PRPF8: variants seen among roughly 807,000 people sequenced by gnomAD.
The protein encoded by PRPF8 is pre-mRNA-processing-splicing factor 8.
Under a neutral mutation model 285.9 loss-of-function variants are expected in PRPF8, and 64 were observed. That is an observed-to-expected ratio of 0.22 (90% confidence interval 0.18 to 0.28). The LOEUF (loss-of-function observed/expected upper bound fraction) is 0.28, where lower values mean the gene tolerates loss of function less well. PRPF8 is among the 10% of genes least tolerant of loss of function. The probability of loss-of-function intolerance (pLI) is 1.00; values close to 1 mark genes in which losing one functional copy is unlikely to be tolerated. For synonymous variants in PRPF8, 1,325 were observed against 1,118.2 expected, an observed-to-expected ratio of 1.18 and a Z score of -3.69; for missense variants, 1,426 against 3,026.7, an observed-to-expected ratio of 0.47 and a Z score of 12.41.
chr17:1,658,458 A>G lies in PRPF8; in HGVS notation c.5376+68T>C. ...TGCCTTCTTCCCAGCATGTGTACAC[A>G]CTTAGCCCATTACTCTCCCACAGCC... On this transcript the variant is annotated intron_variant, in intron 33 of 42. Coordinates refer to ENST00000304992, the MANE Select transcript of PRPF8 (RefSeq NM_006445.4). The surrounding 1 kb of genome is among the most constrained non-coding windows in gnomAD (Gnocchi z 4.1). 4 of 1,613,962 alleles carry G rather than the reference A, an allele frequency of 2.5e-6. No homozygotes were observed. The highest frequency in any genetic ancestry group is 3.4e-6 in the Non-Finnish European group (4 of 1,179,870).
At chr17:1,684,298 G>C (rs1913106878) in intron 2 of PRPF8, among the ~76,000 whole-genome samples, 174 bp downstream of exon 2, 1 of 152,206 alleles carries the variant, frequency 6.6e-6, no homozygotes, top group Non-Finnish European at 1.5e-5. Flanking sequence ...ACCCCCGCTG[G>C]ATCAGCGCTT....
chr17:1,658,905 G>A lies in PRPF8; in HGVS notation c.5139-142C>T. The A allele has an allele frequency of 2.6e-6, 2 of 776,638 alleles. No individual in the cohort carries two copies. Among genetic ancestry groups the A allele is most frequent in the South Asian group, 2.9e-5 (2 of 68,714 alleles). 48.1% of individuals were successfully genotyped at this position (776,638 alleles called of 1,614,324 possible). On this transcript the variant is annotated intron_variant, in intron 32 of 42. Transcript: ENST00000304992. The surrounding 1 kb of genome is among the most constrained non-coding windows in gnomAD (Gnocchi z 4.1). The stretch of plus-strand genomic sequence containing the variant: ...TCATGTGTACATACAGGCTGGAGAA[G>A]AGAATCAGTGACCCATAGGAGGAAT...
intron 24 of PRPF8, among the ~76,000 whole-genome samples, chr17:1,668,354 CTTTTTTTTT>C (rs970795981): frequency 3.8e-5 from 4 of 105,576 alleles, no homozygotes; most frequent in African/African-American, 1.0e-4. Context: ...GTCTAGCATT[CTTTTTTTTT>C]TTTTTTTTTT....
rs1911098363 is a variant in PRPF8, at chr17:1,651,940, C to G, written c.6370-152G>C. The G allele has an allele frequency of 4.9e-6, 5 of 1,011,714 alleles. No individual in the cohort carries two copies. In the Admixed American group the frequency reaches 9.5e-5, roughly 19 times the overall value. The allele number at this position is 1,011,714 out of a possible 1,614,324, so 62.7% of individuals were successfully genotyped here. A position where few individuals can be genotyped will look rare whatever the true frequency, so the allele number is the denominator to read the frequency against. ...CCCTGTATCAGAATCAGCTGGGGTG[C>G]TTGTTCAAAATGTTAGACATGGACC... On this transcript the variant is annotated intron_variant, in intron 39 of 42. Coordinates refer to ENST00000304992, the MANE Select transcript of PRPF8 (RefSeq NM_006445.4). The surrounding 1 kb of genome is among the most constrained non-coding windows in gnomAD (Gnocchi z 5.1).
rs370131543 is a variant in PRPF8 at position 1,680,680 on chromosome 17, A to G, written c.1098+46T>C. The stretch of plus-strand genomic sequence containing the variant: ...TTAGTAACATCAGCCAACCTCACGC[A>G]TTTCTCCTAGAAGAGCTGAGGGAAA... On this transcript the variant is annotated intron_variant, in intron 8 of 42. Coordinates refer to ENST00000304992, the MANE Select transcript of PRPF8 (RefSeq NM_006445.4). 2.5e-5 allele frequency: 38 copies of G among 1,546,460 alleles called. No individual in the cohort carries two copies. In the African/African-American group the frequency reaches 4.5e-4, roughly 18 times the overall value.
At chr17:1,660,336 C>G (rs1447872897) in intron 30 of PRPF8, 96 bp downstream of exon 30, 8 of 1,596,884 alleles carry the variant, frequency 5.0e-6, no homozygotes, top group Middle Eastern at 2.2e-4. Context: ...CCTCTCCCCT[C>G]GATTCCACCT....
Position 1,669,132 on chromosome 17 carries a change from A to C in PRPF8, c.3774+3949T>G, listed in dbSNP as rs138362265. ...CCTACTTTTCTTTTCTTCGAGACGGAGTCTTGCTCTGTCGCCGAGGCTGGG... is the reference window on the plus strand; with the variant it reads ...CCTACTTTTCTTTTCTTCGAGACGGCGTCTTGCTCTGTCGCCGAGGCTGGG... On this transcript the variant is annotated intron_variant, in intron 24 of 42. Transcript: ENST00000304992. Among the ~76,000 whole-genome samples, 86 of 152,204 alleles carry C rather than the reference A, an allele frequency of 5.7e-4. No individual in the cohort carries two copies. The East Asian group carries it at 0.016, about 28-fold the overall frequency.
Position 1,676,137 on chromosome 17 carries a change from T to G in PRPF8, c.2552+70A>C. ...AGACTGGGGCTACACCTTCTTTCTT[T>G]GGACTCTGAGGATGACGCCATTCCC... On this transcript the variant is annotated intron_variant, in intron 17 of 42. Transcript: ENST00000304992. The surrounding 1 kb of genome is among the most constrained non-coding windows in gnomAD (Gnocchi z 6.3). 2 of 1,612,014 alleles carry G rather than the reference T, an allele frequency of 1.2e-6. No individual in the cohort carries two copies. Among genetic ancestry groups the G allele is most frequent in the Non-Finnish European group, 1.7e-6 (2 of 1,179,812 alleles).
At position 1,659,346 on chromosome 17, in the gene PRPF8, C is replaced by A. The variant is rs372472728; in HGVS notation, c.5138+11G>T. On this transcript the variant is annotated intron_variant, in intron 32 of 42. Coordinates refer to ENST00000304992, the MANE Select transcript of PRPF8 (RefSeq NM_006445.4). This position sits in a 1 kb window ranked among gnomAD's most constrained non-coding sequence, Gnocchi z 5.1. ...TGGCCTGAAAATACATGGTCCTGAG[C>A]CTCAACTCACCTGTGCAAGTTATAG... The A allele has an allele frequency of 8.7e-5, 141 of 1,613,880 alleles. No homozygotes were observed. Among genetic ancestry groups the A allele is most frequent in the Middle Eastern group, 5.0e-4 (3 of 5,974 alleles).
rs2151127293 is a variant in PRPF8 at position 1,675,132 on chromosome 17, C to T, written c.3060+20G>A. 6.2e-7 allele frequency: 1 copy of T among 1,612,630 alleles called. No homozygotes were observed. Among genetic ancestry groups the T allele is most frequent in the Non-Finnish European group, 8.5e-7 (1 of 1,179,982 alleles). ...CAAGCACTCCACACACAATTCCATG[C>T]TACTGCGCCTGAGACGCACCTTATA... is the stretch of plus-strand genomic sequence containing the variant. On this transcript the variant is annotated intron_variant, in intron 20 of 42. Coordinates refer to ENST00000304992, the MANE Select transcript of PRPF8 (RefSeq NM_006445.4). This position sits in a 1 kb window ranked among gnomAD's most constrained non-coding sequence, Gnocchi z 6.0.
rs889417414 is a variant in PRPF8 at position 1,672,669 on chromosome 17, G to A, written c.3774+412C>T. 3.9e-5 allele frequency among the ~76,000 whole-genome samples: 6 copies of A among 151,974 alleles called. No homozygotes were observed. In the South Asian group the frequency reaches 6.2e-4, roughly 16 times the overall value. On this transcript the variant is annotated intron_variant, in intron 24 of 42. Coordinates refer to ENST00000304992, the MANE Select transcript of PRPF8 (RefSeq NM_006445.4). ...TTCTTTCTCAATTCCGGTTGCCTTC[G>A]GCTGGGCCTCTGAAGGTAAGTGAAG...
At chr17:1,662,251 A>C (rs1911707376) in intron 24 of PRPF8, 98 bp from the exon 25 acceptor site, 2 of 1,370,442 alleles carry the variant, frequency 1.5e-6, no homozygotes, top group Admixed American at 1.8e-5. Flanking sequence ...CTACTAAAGA[A>C]AGATTTGAGT....
In PRPF8 at chr17:1,675,344, G is replaced by A. The variant is rs2151127432; in HGVS notation, c.2873-5C>T. 1.9e-6 allele frequency: 3 copies of A among 1,614,066 alleles called. No individual in the cohort carries two copies. Among genetic ancestry groups the A allele is most frequent in the Non-Finnish European group, 1.7e-6 (2 of 1,180,006 alleles). On this transcript the variant is annotated splice_region_variant and splice_polypyrimidine_tract_variant and intron_variant, in intron 19 of 42. Coordinates refer to ENST00000304992, the MANE Select transcript of PRPF8 (RefSeq NM_006445.4). This position sits in a 1 kb window ranked among gnomAD's most constrained non-coding sequence, Gnocchi z 6.0. The stretch of plus-strand genomic sequence containing the variant: ...CGTCCTGCAGGTTATTGATGCCTGA[G>A]GAGTAGCAAGGCAGGTCTCCAGCAG...
chr17:1,669,623 CCTA>C (rs1157535621), intron 24 of PRPF8, among the ~76,000 whole-genome samples: 1 of 152,220 alleles, frequency 6.6e-6, no homozygotes, highest in Non-Finnish European at 1.5e-5. Flanking sequence ...GGCTTCCATC[CCTA>C]CTATTTCTGT....
Position 1,675,293 on chromosome 17 carries a change from G to A in PRPF8, c.2919C>T (p.Cys973=). The change falls in exon 20 of 43, where the codon TGC becomes TGT. Residue 973 remains cysteine (C), a synonymous_variant. Transcript: ENST00000304992. The surrounding 1 kb of genome is among the most constrained non-coding windows in gnomAD (Gnocchi z 6.0). The part of the protein sequence containing the change: ...QDVWETSEGE[C]NVMLESRFEK... ...CAAAGCGGGATTCCAGCATGACATTGCACTCGCCTTCACTCGTCTCCCACA... is the reference window on the plus strand; with the variant it reads ...CAAAGCGGGATTCCAGCATGACATTACACTCGCCTTCACTCGTCTCCCACA... The A allele has an allele frequency of 1.9e-6, 3 of 1,614,164 alleles. No individual in the cohort carries two copies. Among genetic ancestry groups the A allele is most frequent in the Non-Finnish European group, 2.5e-6 (3 of 1,180,034 alleles).
chr17:1,670,185 G>A (rs1322693778), intron 24 of PRPF8, among the ~76,000 whole-genome samples: 1 of 152,172 alleles, frequency 6.6e-6, no homozygotes. Context: ...TGGAACTGAA[G>A]AAATAAGGTA....
In PRPF8 at chr17:1,659,557, G is replaced by A. The variant is rs758076805; in HGVS notation, c.4947-9C>T. The A allele has an allele frequency of 5.6e-6, 9 of 1,612,736 alleles. No individual in the cohort carries two copies. Among genetic ancestry groups the A allele is most frequent in the South Asian group, 1.1e-5 (1 of 91,088 alleles). ...TGCTGTCCATCACATCCCTGAGGAT[G>A]AAGAGGGTTCAAGCTTCTAAGAAAC... On this transcript the variant is annotated splice_polypyrimidine_tract_variant and intron_variant, in intron 31 of 42. Coordinates refer to ENST00000304992, the MANE Select transcript of PRPF8 (RefSeq NM_006445.4). This position sits in a 1 kb window ranked among gnomAD's most constrained non-coding sequence, Gnocchi z 5.1.
intron 2 of PRPF8, 113 bp from the exon 3 acceptor site, chr17:1,683,814 G>T (rs62089993): frequency 0.033 from 42,133 of 1,268,282 alleles, 822 homozygotes; most frequent in Middle Eastern, 0.053. Flanking sequence ...GGCACCAGCA[G>T]GAAGAAGCAC....
In PRPF8 at chr17:1,674,690, A is replaced by G; in HGVS notation, c.3061-10T>C. 6.2e-7 allele frequency: 1 copy of G among 1,609,604 alleles called. No homozygotes were observed. Among genetic ancestry groups the G allele is most frequent in the Non-Finnish European group, 8.5e-7 (1 of 1,176,088 alleles). On this transcript the variant is annotated splice_polypyrimidine_tract_variant and intron_variant, in intron 20 of 42. Transcript: ENST00000304992. ...TCGTATGGTTCATGTCCTAGAAAGAAAGAACTACAATTCTTAAGAATGTGA... is the reference window on the plus strand; with the variant it reads ...TCGTATGGTTCATGTCCTAGAAAGAGAGAACTACAATTCTTAAGAATGTGA...
Sources: allele counts gnomAD v4.1 joint callset (sites outside exome capture counted in the v4.1 genomes callset), GRCh38; gene constraint gnomAD v4.1.1; non-coding constraint Gnocchi (gnomAD v3.1); transcripts MANE v1.5; gene names NCBI Gene and HGNC (gene_info 2026-07-23, HGNC 2026-07-21).